USH2A: variants seen among roughly 807,000 people sequenced by gnomAD.
USH2A encodes the protein usherin.
Under a neutral mutation model 538.9 loss-of-function variants are expected in USH2A, and 443 were observed. The ratio of observed to expected loss-of-function variants is 0.82; its 90% CI spans 0.76 to 0.89. The LOEUF (loss-of-function observed/expected upper bound fraction) is 0.89. Among genes scored for constraint, USH2A ranks in the 40% least tolerant of loss-of-function variants. The pLI is 0.00. For missense variants in USH2A, 6,633 were observed against 6,324.8 expected (o/e 1.05, Z -1.65); for synonymous variants, 2,413 against 2,273.5 (o/e 1.06, Z -1.75).
At chr1:216,306,756 G>A (rs1293881661) in intron 9 of USH2A, among the ~76,000 whole-genome samples, 2 of 152,190 alleles carry the variant, frequency 1.3e-5, no homozygotes, top group African/African-American at 4.8e-5. Context: ...GGGTGCTCCA[G>A]GATGTGCCTT....
chr1:215,691,382 C>T (rs971808364), intron 61 of USH2A, among the ~76,000 whole-genome samples: 2 of 152,136 alleles, frequency 1.3e-5, no homozygotes, highest in South Asian at 4.1e-4. Context: ...GGGAAAACTG[C>T]ACTGCAGCCA....
chr1:215,650,934 G>T, intron 64 of USH2A, 133 bp from the exon 65 acceptor site: 1 of 930,482 alleles, frequency 1.1e-6, no homozygotes, highest in Non-Finnish European at 1.6e-6. Flanking sequence ...GATAAACTTT[G>T]ATCTTGCAAC....
intron 35 of USH2A, among the ~76,000 whole-genome samples, chr1:215,978,528 A>G (rs1161609954): frequency 6.6e-6 from 1 of 152,196 alleles, no homozygotes; most frequent in African/African-American, 2.4e-5. Flanking sequence ...TATACTTGGT[A>G]TTTTGGGAAG....
chr1:215,627,523 TCC>T (rs1656099483), intron 71 of USH2A, among the ~76,000 whole-genome samples: 1 of 150,294 alleles, frequency 6.7e-6, no homozygotes, highest in African/African-American at 2.5e-5. Flanking sequence ...CTTCCTTCCT[TCC>T]TTTTTTCCTT....
rs2034358073 is a variant in USH2A, at chr1:216,175,410, G to T, written c.4469C>A (p.Pro1490His). ...AGGAGAGGGTCCATTCAGTTCTTCA[G>T]GTGGAAACCACCTAAGATGGATTGT... ...STTIHLRWFP[P>H]EELNGPSPIY... The change falls in exon 21 of 72, where the codon CCT becomes CAT. Residue 1490 changes from proline (P) to histidine (H), a missense_variant. Pro to His is a moderately conservative substitution (Grantham distance 77). Coordinates refer to ENST00000307340, the MANE Select transcript of USH2A (RefSeq NM_206933.4). 1.9e-6 allele frequency: 3 copies of T among 1,613,736 alleles called. No individual in the cohort carries two copies. The highest frequency in any genetic ancestry group is 2.5e-6 in the Non-Finnish European group (3 of 1,179,874).
rs768169143 is a variant in USH2A, at chr1:215,680,099, A to G, written c.12294+50T>C. 5.0e-6 allele frequency: 8 copies of G among 1,585,182 alleles called. No individual in the cohort carries two copies. The East Asian group carries it at 1.6e-4, about 31-fold the overall frequency. ...CCTGATGGCATGTCAGGGCTCATCTATTTATCTGGAGAACACCAAACATAA... is the reference window on the plus strand; with the variant it reads ...CCTGATGGCATGTCAGGGCTCATCTGTTTATCTGGAGAACACCAAACATAA... On this transcript the variant is annotated intron_variant, in intron 62 of 71. Coordinates refer to ENST00000307340, the MANE Select transcript of USH2A (RefSeq NM_206933.4).
At chr1:216,179,682 T>A (rs2034456084) in intron 20 of USH2A, among the ~76,000 whole-genome samples, 2 of 152,020 alleles carry the variant, frequency 1.3e-5, no homozygotes, top group South Asian at 4.1e-4. Context: ...ACTAGACTGG[T>A]CTCACATACA....
At chr1:215,710,500 C>T (rs115592014) in intron 61 of USH2A, among the ~76,000 whole-genome samples, 4 of 152,086 alleles carry the variant, frequency 2.6e-5, no homozygotes, top group Non-Finnish European at 4.4e-5. Flanking sequence ...ACTGCTCATA[C>T]GTTTAGCTCA....
At chr1:216,076,211 C>T (rs1201002028) in intron 27 of USH2A, among the ~76,000 whole-genome samples, 2 of 152,078 alleles carry the variant, frequency 1.3e-5, no homozygotes, top group Non-Finnish European at 2.9e-5. Flanking sequence ...AAAATAATGG[C>T]TAATTTTGAC....
intron 3 of USH2A, among the ~76,000 whole-genome samples, chr1:216,414,387 G>T (rs1001759161): frequency 2.6e-5 from 4 of 152,044 alleles, no homozygotes; most frequent in African/African-American, 9.7e-5. Context: ...TAAAAGCTGT[G>T]AGATTCATTA....
At chr1:215,715,073 C>T (rs1269300298) in intron 61 of USH2A, among the ~76,000 whole-genome samples, 1 of 152,112 alleles carries the variant, frequency 6.6e-6, no homozygotes, top group Non-Finnish European at 1.5e-5. Flanking sequence ...GTTTGCTGCA[C>T]CTATTAACCC....
intron 3 of USH2A, among the ~76,000 whole-genome samples, chr1:216,406,733 T>C (rs955606017): frequency 1.3e-5 from 2 of 152,196 alleles, no homozygotes; most frequent in African/African-American, 2.4e-5. Flanking sequence ...CATTTGCAGC[T>C]AATTCCTTTG....
chr1:216,078,404 C>T (rs2031827958), intron 26 of USH2A, 42 bp from the exon 27 acceptor site: 4 of 1,593,666 alleles, frequency 2.5e-6, no homozygotes, highest in East Asian at 4.5e-5. Flanking sequence ...TATAAAAAGG[C>T]TGCAGAAGGG....
intron 15 of USH2A, among the ~76,000 whole-genome samples, chr1:216,209,129 T>G (rs114831460): frequency 0.024 from 3,721 of 152,298 alleles, 55 homozygotes; most frequent in Non-Finnish European, 0.04. Context: ...GCAGTCAGGC[T>G]TGCTATGTTA....
intron 3 of USH2A, among the ~76,000 whole-genome samples, chr1:216,376,771 C>T (rs1376138736): frequency 6.6e-6 from 1 of 152,022 alleles, no homozygotes; most frequent in Non-Finnish European, 1.5e-5. Flanking sequence ...AATATGTAGA[C>T]AGATATATAG....
chr1:216,334,145 A>G (rs912830851), intron 4 of USH2A, among the ~76,000 whole-genome samples: 2 of 152,106 alleles, frequency 1.3e-5, no homozygotes, highest in Non-Finnish European at 2.9e-5. Flanking sequence ...CAATAATTAT[A>G]TATCTGTGTT....
chr1:216,134,577 C>G (rs1288935659), intron 21 of USH2A, among the ~76,000 whole-genome samples: 1 of 152,036 alleles, frequency 6.6e-6, no homozygotes, highest in Non-Finnish European at 1.5e-5. Flanking sequence ...CCAATTTTGT[C>G]AAATCAACTT....
At chr1:216,023,445 C>A (rs1668884585) in intron 32 of USH2A, among the ~76,000 whole-genome samples, 1 of 32,406 alleles carries the variant, frequency 3.1e-5, no homozygotes, top group Non-Finnish European at 5.6e-5. Flanking sequence ...CTCTTAAAAA[C>A]TGTTCAAAGC....
At position 215,877,836 on chromosome 1, in the gene USH2A, T is replaced by C. The variant is rs564276631; in HGVS notation, c.8603A>G (p.Asn2868Ser). The change falls in exon 43 of 72, where the codon AAT (asparagine) becomes AGT (serine). Residue 2868 changes from asparagine to serine, a missense_variant. Coordinates refer to ENST00000307340, the MANE Select transcript of USH2A (RefSeq NM_206933.4). ...RRKIQQPLAS[N>S]PPEDLNRWHN... is the part of the protein sequence containing the mutation. ...CCACCGATTTAAATCTTCTGGGGGA[T>C]TTGATGCAAGTGGCTGCTGGATTTT... The C allele has an allele frequency of 2.5e-6, 4 of 1,613,810 alleles. No individual in the cohort carries two copies. The East Asian group carries it at 6.7e-5, about 27-fold the overall frequency.
Sources: allele counts gnomAD v4.1 joint callset (sites outside exome capture counted in the v4.1 genomes callset), GRCh38; gene constraint gnomAD v4.1.1; transcripts MANE v1.5; gene names NCBI Gene and HGNC (gene_info 2026-07-23, HGNC 2026-07-21).